GPC1: variants seen among roughly 807,000 people sequenced by gnomAD.
GPC1 encodes glypican 1.
A neutral mutation model predicts 51.5 loss-of-function variants in GPC1; 26 were observed. The ratio of observed to expected loss-of-function variants is 0.50; its 90% CI spans 0.37 to 0.70. The LOEUF (loss-of-function observed/expected upper bound fraction) is 0.70, where lower values mean the gene tolerates loss of function less well. Ranked by LOEUF, GPC1 falls within the 30% of genes least tolerant of loss-of-function variation. GPC1 has a pLI of 0.00. For missense variants in GPC1, 775 were observed against 800.5 expected (o/e 0.97, Z 0.38); for synonymous variants, 380 against 348.3 (o/e 1.09, Z -1.01).
At chr2:240,456,447 C>G (rs1239632168) in intron 1 of GPC1, 2 of 382,892 alleles carry the variant, frequency 5.2e-6, no homozygotes, top group East Asian at 1.5e-4. Flanking sequence ...CCAGCTCACT[C>G]GGTTCCTGTG....
intron 1 of GPC1, chr2:240,458,534 C>T (rs533531197): frequency 1.8e-4 from 32 of 174,896 alleles, no homozygotes; most frequent in Non-Finnish European, 3.2e-4. Context: ...GGGCCACTGC[C>T]TCTGACCAGC....
Position 240,436,102 on chromosome 2 carries a change from G to T in GPC1, c.166+18G>T, listed in dbSNP as rs1461146721. 2 of 1,269,880 alleles carry T rather than the reference G, an allele frequency of 1.6e-6. No individual in the cohort carries two copies. The highest frequency in any genetic ancestry group is 3.1e-5 in the South Asian group (1 of 31,836). The allele number at this position is 1,269,880 out of a possible 1,614,324, so 78.7% of individuals were successfully genotyped here. On this transcript the variant is annotated intron_variant, in intron 1 of 8. Transcript: ENST00000264039. ...GATCTCGGGTGAGTGAGGGCGCGGC[G>T]CCGGGAACCCGGGCCTGGCCGGGCT...
intron 1 of GPC1, among the ~76,000 whole-genome samples, chr2:240,440,130 A>C (rs1470747505): frequency 6.6e-6 from 1 of 152,184 alleles, no homozygotes; most frequent in East Asian, 1.9e-4. Context: ...CCTCGTGGGC[A>C]GCCTCGGGCT....
At chr2:240,464,302 A>G (rs1294149857) in intron 4 of GPC1, 1 of 389,576 alleles carries the variant, frequency 2.6e-6, no homozygotes, top group African/African-American at 2.0e-5. Flanking sequence ...GCGTATGTAC[A>G]TGTCAACACC....
At chr2:240,464,553 G>C (rs997270150) in intron 4 of GPC1, 63 bp from the exon 5 acceptor site, 2 of 294,246 alleles carry the variant, frequency 6.8e-6, no homozygotes, top group Non-Finnish European at 1.0e-5. Flanking sequence ...GCCTGCGTGT[G>C]CGTGTCAACG....
chr2:240,447,895 A>T (rs1004535733), intron 1 of GPC1, among the ~76,000 whole-genome samples: 2 of 152,118 alleles, frequency 1.3e-5, no homozygotes, highest in African/African-American at 4.8e-5. Flanking sequence ...AGGCCCCGTC[A>T]TTGTCACCGG....
chr2:240,440,876 C>T (rs564583428), intron 1 of GPC1, among the ~76,000 whole-genome samples: 1 of 152,400 alleles, frequency 6.6e-6, no homozygotes, highest in South Asian at 2.1e-4. Flanking sequence ...CACCCTCCGG[C>T]CTGGCTCCAC....
intron 1 of GPC1, among the ~76,000 whole-genome samples, chr2:240,447,605 C>A (rs750485025): frequency 9.5e-4 from 144 of 152,310 alleles, no homozygotes; most frequent in Middle Eastern, 3.4e-3. Context: ...TGGTGGCCGT[C>A]GTCTTAGCAA....
At chr2:240,456,375 G>A (rs568772700) in intron 1 of GPC1, among the ~76,000 whole-genome samples, 4 of 152,282 alleles carry the variant, frequency 2.6e-5, no homozygotes, top group South Asian at 2.1e-4. Flanking sequence ...AGGAGGAGCC[G>A]GCGGGGGACG....
rs751358453 is a variant in GPC1 at position 240,466,305 on chromosome 2, C to G, written c.*15C>G. 7.1e-6 allele frequency: 10 copies of G among 1,404,684 alleles called. No homozygotes were observed. The highest frequency in any genetic ancestry group is 1.0e-5 in the Non-Finnish European group (10 of 990,242). The allele number at this position is 1,404,684 out of a possible 1,614,324, so 87.0% of individuals were successfully genotyped here. On this transcript the variant is annotated 3_prime_UTR_variant, in exon 9 of 9. Transcript: ENST00000264039. The stretch of plus-strand genomic sequence containing the variant: ...GGTGGCGGTAACTGCCCCAAGGCCC[C>G]AGGGACAGAGGCCAAGGACTGACTT...
intron 1 of GPC1, among the ~76,000 whole-genome samples, chr2:240,443,710 C>T (rs545024826): frequency 2.6e-5 from 4 of 152,332 alleles, no homozygotes; most frequent in Non-Finnish European, 4.4e-5. Flanking sequence ...GGGGCGCAGC[C>T]GGTGGACAGG....
At chr2:240,438,049 G>A (rs373736728) in intron 1 of GPC1, among the ~76,000 whole-genome samples, 2 of 152,200 alleles carry the variant, frequency 1.3e-5, no homozygotes, top group Admixed American at 6.5e-5. Flanking sequence ...TGATTTCTCT[G>A]TGTCTGATGG....
At chr2:240,452,518 C>G (rs562618698) in intron 1 of GPC1, 1 of 152,568 alleles carries the variant, frequency 6.6e-6, no homozygotes, top group East Asian at 1.9e-4. Flanking sequence ...AGCGCCGGCC[C>G]TGCTGAGACC....
At chr2:240,458,103 C>G (rs1046892192) in intron 1 of GPC1, 2 of 469,136 alleles carry the variant, frequency 4.3e-6, no homozygotes, top group Admixed American at 4.7e-5. Flanking sequence ...ATAGCTGGGA[C>G]GAGACCTCAT....
intron 1 of GPC1, among the ~76,000 whole-genome samples, chr2:240,455,307 C>T (rs1443110404): frequency 6.6e-6 from 1 of 152,168 alleles, no homozygotes; most frequent in Non-Finnish European, 1.5e-5. Context: ...GAGGGGAGCG[C>T]TGTGGAAGGA....
At position 240,463,328 on chromosome 2, in the gene GPC1, A is replaced by AGGGTCCCTTGCTCCCC; in HGVS notation, c.718-18_718-3dup. The AGGGTCCCTTGCTCCCC allele has an allele frequency of 6.2e-7, 1 of 1,610,458 alleles. No homozygotes were observed. Among genetic ancestry groups the AGGGTCCCTTGCTCCCC allele is most frequent in the Non-Finnish European group, 8.5e-7 (1 of 1,178,452 alleles). Reference sequence around the variant, plus strand: ...CCCCCAGGGCCTCGGGGCCTGGCTTAGGGTCCCTTGCTCCCCAGGTCCCCC... The same window carrying AGGGTCCCTTGCTCCCC: ...CCCCCAGGGCCTCGGGGCCTGGCTTAGGGTCCCTTGCTCCCCGGGTCCCTTGCTCCCCAGGTCCCCC... On this transcript the variant is annotated intron_variant, in intron 3 of 8. Transcript: ENST00000264039.
intron 8 of GPC1, 109 bp from the exon 9 acceptor site, chr2:240,465,949 T>G: frequency 1.5e-6 from 1 of 670,226 alleles, no homozygotes; most frequent in Non-Finnish European, 2.6e-6. Flanking sequence ...GGTCCTGGGA[T>G]TCCACACCGA....
intron 3 of GPC1, 38 bp from the exon 4 acceptor site, chr2:240,463,309 G>C: frequency 6.3e-7 from 1 of 1,597,046 alleles, no homozygotes; most frequent in Non-Finnish European, 8.6e-7. Context: ...GGCACCCCCA[G>C]GGCCTCGGGG....
At chr2:240,450,072 G>A in intron 1 of GPC1, 1 of 348,994 alleles carries the variant, frequency 2.9e-6, no homozygotes, top group East Asian at 7.8e-5. Context: ...CTTTCATACT[G>A]TACTAAAATA....
Sources: allele counts gnomAD v4.1 joint callset (sites outside exome capture counted in the v4.1 genomes callset), GRCh38; gene constraint gnomAD v4.1.1; transcripts MANE v1.5; gene names NCBI Gene and HGNC (gene_info 2026-07-23, HGNC 2026-07-21).